SUPT7L: variants seen among roughly 807,000 people sequenced by gnomAD.
SUPT7L encodes SPT7 like, STAGA complex subunit gamma.
In SUPT7L, 15 loss-of-function variants were observed where a neutral mutation model predicts 35.7. That is an observed-to-expected ratio of 0.42 (90% CI 0.28 to 0.65). The LOEUF is 0.65. SUPT7L is among the 30% of genes least tolerant of loss of function. The pLI is 0.23. For synonymous variants in SUPT7L, 168 were observed against 186.2 expected (o/e 0.90, Z 0.79); for missense variants, 434 against 522.2 (o/e 0.83, Z 1.65).
chr2:27,662,716 G>A (rs1395540350), intron 1 of SUPT7L, among the ~76,000 whole-genome samples: 1 of 152,144 alleles, frequency 6.6e-6, no homozygotes, highest in Non-Finnish European at 1.5e-5. Context: ...TCTTGTTACA[G>A]GGCCAGGCAC....
Position 27,653,472 on chromosome 2 carries a change from C to G in SUPT7L, c.*13G>C. The G allele has an allele frequency of 6.2e-7, 1 of 1,610,630 alleles. No individual in the cohort carries two copies. The highest frequency in any genetic ancestry group is 1.7e-4 in the Middle Eastern group (1 of 5,728). ...TCTAGTAGGTCTGGACAAAACATCTCCCTCTTTTCCTTTTATATTTTCCTC... is the reference window on the plus strand; with the variant it reads ...TCTAGTAGGTCTGGACAAAACATCTGCCTCTTTTCCTTTTATATTTTCCTC... On this transcript the variant is annotated 3_prime_UTR_variant, in exon 6 of 6. Transcript: ENST00000337768.
downstream of SUPT7L, among the ~76,000 whole-genome samples, chr2:27,647,204 G>T (rs961271638): frequency 6.6e-6 from 1 of 152,182 alleles, no homozygotes; most frequent in South Asian, 2.1e-4. Flanking sequence ...AGCCTCATAG[G>T]CTCCTGAAGA....
At chr2:27,660,857 C>A (rs1433110482) in intron 3 of SUPT7L, 127 bp downstream of exon 3, 6 of 1,284,420 alleles carry the variant, frequency 4.7e-6, no homozygotes, top group Non-Finnish European at 6.3e-6. Flanking sequence ...CCTGGAGAAA[C>A]CTTGGCCAAG....
chr2:27,661,208 A>G lies in SUPT7L; in HGVS notation c.195T>C (p.His65=), dbSNP rs774270293. The part of the protein sequence containing the change: ...IPSEPCSLTI[H]TIQLIQHNRR... ...GGTTGTGCTGAATCAACTGAATCGT[A>G]TGGATGGTGAGACTACATGGCTCTG... Residue 65 remains histidine, a synonymous_variant, in exon 3 of 6, where the codon CAT becomes CAC. Transcript: ENST00000337768. 1.9e-6 allele frequency: 3 copies of G among 1,614,056 alleles called. No individual in the cohort carries two copies. The South Asian group carries it at 3.3e-5, about 18-fold the overall frequency.
In SUPT7L at chr2:27,653,391, G is replaced by T; in HGVS notation, c.*94C>A. The T allele has an allele frequency of 1.3e-6, 2 of 1,490,934 alleles. No homozygotes were observed. The highest frequency in any genetic ancestry group is 2.7e-5 in the South Asian group (2 of 75,114). 92.4% of individuals were successfully genotyped at this position (1,490,934 alleles called of 1,614,324 possible). A position where few individuals can be genotyped will look rare whatever the true frequency, so the allele number is the denominator to read the frequency against. Reference sequence around the variant, plus strand: ...AAAAACCACTTGTGTTTAAGAACAGGAGTCAAATCAATTTTTAAGGAAACA... The same window carrying T: ...AAAAACCACTTGTGTTTAAGAACAGTAGTCAAATCAATTTTTAAGGAAACA... On this transcript the variant is annotated 3_prime_UTR_variant, in exon 6 of 6. Transcript: ENST00000337768.
chr2:27,662,275 C>G lies in SUPT7L; in HGVS notation c.-83G>C. The G allele has an allele frequency of 1.4e-6, 2 of 1,456,092 alleles. No individual in the cohort carries two copies. Among genetic ancestry groups the G allele is most frequent in the South Asian group, 1.1e-5 (1 of 87,558 alleles). 90.2% of individuals were successfully genotyped at this position (1,456,092 alleles called of 1,614,324 possible). On this transcript the variant is annotated 5_prime_UTR_variant, in exon 2 of 6. Coordinates refer to ENST00000337768, the MANE Select transcript of SUPT7L (RefSeq NM_014860.3). ...CGGTCAAAGACTGATAATGTGAGAT[C>G]CTTGCCCTGAAGTGAGGAAGAGAAA...
chr2:27,659,192 C>T (rs1195998270), intron 3 of SUPT7L, among the ~76,000 whole-genome samples: 1 of 152,192 alleles, frequency 6.6e-6, no homozygotes, highest in African/African-American at 2.4e-5. Context: ...CTCCCCTTTT[C>T]ATTATTCCAG....
At chr2:27,645,825 G>C (rs1674200423), downstream of SUPT7L, among the ~76,000 whole-genome samples, 1 of 151,928 alleles carries the variant, frequency 6.6e-6, no homozygotes, top group Admixed American at 6.6e-5. Flanking sequence ...TGCCTCCTGG[G>C]TTCAAGCTAT....
At chr2:27,661,471 A>G in intron 2 of SUPT7L, 83 bp from the exon 3 acceptor site, 1 of 1,572,370 alleles carries the variant, frequency 6.4e-7, no homozygotes, top group Non-Finnish European at 8.6e-7. Context: ...AAATCCTGGC[A>G]ACTTTAGATT....
At chr2:27,660,025 C>T (rs919929130) in intron 3 of SUPT7L, among the ~76,000 whole-genome samples, 12 of 151,942 alleles carry the variant, frequency 7.9e-5, no homozygotes, top group African/African-American at 1.2e-4. Context: ...AAGGCAGTCA[C>T]GTTCAGAGGA....
downstream of SUPT7L, chr2:27,650,205 CTT>C (rs752373857): frequency 6.6e-7 from 1 of 1,507,980 alleles, no homozygotes; most frequent in South Asian, 1.1e-5. Flanking sequence ...AAATAGGAGA[CTT>C]TAGCACACTT....
At chr2:27,642,958 T>TATATATAC in the SUPT7L span, among the ~76,000 whole-genome samples, 11 of 122,610 alleles carry the variant, frequency 9.0e-5, no homozygotes, top group African/African-American at 2.7e-4. Flanking sequence ...TATATATATA[T>TATATATAC]ACACACACAC....
chr2:27,648,094 T>A (rs1572966254), downstream of SUPT7L: 4 of 618,678 alleles, frequency 6.5e-6, no homozygotes, highest in Non-Finnish European at 1.2e-5. Flanking sequence ...AGAGTTCCTG[T>A]CCTGCCTACT....
intron 3 of SUPT7L, 106 bp downstream of exon 3, chr2:27,660,878 T>C (rs1189405724): frequency 3.5e-6 from 5 of 1,412,526 alleles, no homozygotes; most frequent in Non-Finnish European, 4.7e-6. Flanking sequence ...TCAATTACTC[T>C]TATCCTCAGT....
At chr2:27,645,434 G>A in the SUPT7L span, among the ~76,000 whole-genome samples, 5 of 152,152 alleles carry the variant, frequency 3.3e-5, no homozygotes, top group African/African-American at 9.7e-5. Flanking sequence ...TATGAACTGA[G>A]TATCAACTTT....
rs1440561987 is a variant in SUPT7L at position 27,651,839 on chromosome 2, G to A, written c.*1646C>T. ...ATCGCCACTTTCATTATAAACAAAG[G>A]AAAATGAAGATAAGACTGCAACAGA... is the stretch of plus-strand genomic sequence containing the variant. On this transcript the variant is annotated 3_prime_UTR_variant, in exon 6 of 6. Transcript: ENST00000337768. The A allele has an allele frequency of 6.6e-6, 1 of 152,108 alleles. No individual in the cohort carries two copies. Among genetic ancestry groups the A allele is most frequent in the Non-Finnish European group, 1.5e-5 (1 of 68,020 alleles). 9.4% of individuals were successfully genotyped at this position (152,108 alleles called of 1,614,324 possible). A position where few individuals can be genotyped will look rare whatever the true frequency, so the allele number is the denominator to read the frequency against.
In SUPT7L at chr2:27,661,049, T is replaced by C. The variant is rs747577339; in HGVS notation, c.354A>G (p.Leu118=). The C allele has an allele frequency of 1.9e-6, 3 of 1,614,116 alleles. No individual in the cohort carries two copies. The highest frequency in any genetic ancestry group is 2.5e-6 in the Non-Finnish European group (3 of 1,180,008). ...SPPLPDDLLP[L]DCKNPNAPFQ... ...ATGGTGCATTGGGATTCTTACAATC[T>C]AAAGGCAGGAGGTCATCAGGGAGAG... Residue 118 remains leucine (L), a synonymous_variant, in exon 3 of 6, where the codon TTA becomes TTG. Coordinates refer to ENST00000337768, the MANE Select transcript of SUPT7L (RefSeq NM_014860.3).
At chr2:27,644,824 G>A in the SUPT7L span, among the ~76,000 whole-genome samples, 1 of 149,200 alleles carries the variant, frequency 6.7e-6, no homozygotes, top group Non-Finnish European at 1.5e-5. Context: ...GTTTGGATAG[G>A]TGTATGCCAC....
chr2:27,655,053 G>A (rs146235763), intron 5 of SUPT7L, among the ~76,000 whole-genome samples: 1 of 152,300 alleles, frequency 6.6e-6, no homozygotes, highest in Non-Finnish European at 1.5e-5. Flanking sequence ...AAGGAGGAAG[G>A]GGATATCTTC....
Sources: gnomAD v4.1 joint callset for allele counts (sites outside exome capture counted in the v4.1 genomes callset) on GRCh38, gnomAD v4.1.1 for gene constraint, MANE v1.5 for transcripts, NCBI Gene and HGNC (gene_info 2026-07-23, HGNC 2026-07-21) for gene names.